The following CNIH3 variants were observed in gnomAD, a reference collection of about 807,000 sequenced individuals.
CNIH3 encodes protein cornichon homolog 3.
In CNIH3, 14 loss-of-function variants were observed where a neutral mutation model predicts 24.1. The ratio of observed to expected loss-of-function variants is 0.58; its 90% CI spans 0.38 to 0.91. The LOEUF (loss-of-function observed/expected upper bound fraction) is 0.91. CNIH3 is among the 40% of genes least tolerant of loss of function. The probability of loss-of-function intolerance (pLI) is 0.00; values close to 1 mark genes in which losing one functional copy is unlikely to be tolerated. For missense variants in CNIH3, 178 were observed against 196.8 expected, an observed-to-expected ratio of 0.90 and a Z score of 0.57; for synonymous variants, 68 against 73.8, an observed-to-expected ratio of 0.92 and a Z score of 0.40.
chr1:224,475,325 C>T (rs1195423150), intron 1 of CNIH3, among the ~76,000 whole-genome samples: 1 of 144,394 alleles, frequency 6.9e-6, no homozygotes, highest in African/African-American at 2.6e-5. Context: ...CACTGCAGTC[C>T]AGCCGGGGCG....
downstream of CNIH3, among the ~76,000 whole-genome samples, chr1:224,539,406 T>C (rs2124945866): frequency 6.6e-6 from 1 of 152,342 alleles, no homozygotes; most frequent in Non-Finnish European, 1.5e-5. Flanking sequence ...TTTTTGACTC[T>C]TATGGATTAT....
In CNIH3 at chr1:224,703,285, G is replaced by T. The variant is rs555870503; in HGVS notation, c.198+18442G>T. 4.4e-4 allele frequency among the ~76,000 whole-genome samples: 67 copies of T among 152,302 alleles called. No homozygotes were observed. The highest frequency in any genetic ancestry group is 7.8e-4 in the Non-Finnish European group (53 of 68,020). ...CAAGGTAGACGTGACCACCGGACCA[G>T]CTGAGCCACGATGGGCAGCTTGAAT... On this transcript the variant is annotated intron_variant, in intron 3 of 5. Transcript: ENST00000272133. The surrounding 1 kb of genome is among the most constrained non-coding windows in gnomAD (Gnocchi z 4.2).
chr1:224,655,771 A>G (rs1284541547), intron 1 of CNIH3, among the ~76,000 whole-genome samples: 6 of 152,226 alleles, frequency 3.9e-5, no homozygotes, highest in Non-Finnish European at 5.9e-5. Context: ...CAGAAAGATG[A>G]GAGATCAGTC....
intron 1 of CNIH3, among the ~76,000 whole-genome samples, chr1:224,483,586 G>A (rs956811419): frequency 2.5e-4 from 38 of 149,512 alleles, no homozygotes; most frequent in Non-Finnish European, 2.2e-4. Flanking sequence ...TAGTAGAGAC[G>A]AGGTCTCACT....
At chr1:224,622,404 A>G (rs181607350) in intron 1 of CNIH3, among the ~76,000 whole-genome samples, 1 of 152,314 alleles carries the variant, frequency 6.6e-6, no homozygotes, top group Admixed American at 6.5e-5. Flanking sequence ...ACCTTCTGGA[A>G]AATGTAATGT....
chr1:224,485,606 C>T (rs1382959520), intron 1 of CNIH3, among the ~76,000 whole-genome samples: 1 of 152,106 alleles, frequency 6.6e-6, no homozygotes. Context: ...AATCCTGTTG[C>T]CTCAGCCTCC....
intron 1 of CNIH3, among the ~76,000 whole-genome samples, chr1:224,496,487 T>C (rs1475492553): frequency 1.3e-5 from 2 of 151,786 alleles, no homozygotes; most frequent in African/African-American, 4.8e-5. Flanking sequence ...CTCCTGATTT[T>C]CTCTTCCAGG....
At chr1:224,686,693 C>T (rs2125152194) in intron 3 of CNIH3, among the ~76,000 whole-genome samples, 1 of 152,338 alleles carries the variant, frequency 6.6e-6, no homozygotes, top group Middle Eastern at 3.4e-3. Flanking sequence ...TCTGGCAGAA[C>T]AATGTTCCAT....
intron 1 of CNIH3, among the ~76,000 whole-genome samples, chr1:224,510,609 C>CA (rs375132413): frequency 0.32 from 33,264 of 104,090 alleles, 4,778 homozygotes; most frequent in Middle Eastern, 0.42. Context: ...AAAAAAAAAA[C>CA]AAAAAAAAAA....
downstream of CNIH3, among the ~76,000 whole-genome samples, chr1:224,592,689 G>T (rs1472865429): frequency 6.6e-6 from 1 of 152,206 alleles, no homozygotes; most frequent in East Asian, 1.9e-4. Flanking sequence ...CTATGCTTTA[G>T]AAGGGCAGAG....
intron 1 of CNIH3, among the ~76,000 whole-genome samples, chr1:224,660,702 G>T (rs1037037537): frequency 6.6e-6 from 1 of 152,230 alleles, no homozygotes; most frequent in African/African-American, 2.4e-5. Context: ...TTTATATTAA[G>T]CCAGAAGTAT....
chr1:224,554,378 C>T (rs946350832), intron 3 of CNIH3, among the ~76,000 whole-genome samples: 3 of 152,152 alleles, frequency 2.0e-5, no homozygotes, highest in African/African-American at 7.2e-5. Flanking sequence ...TGTGCCAGGA[C>T]TGTACAGTGC....
At position 224,695,876 on chromosome 1, in the gene CNIH3, G is replaced by A. The variant is rs148309062; in HGVS notation, c.198+11033G>A. Among the ~76,000 whole-genome samples the A allele has an allele frequency of 6.6e-3, 1,003 of 152,318 alleles. 7 individuals are homozygous for A. Among genetic ancestry groups the A allele is most frequent in the Non-Finnish European group, 8.2e-3 (555 of 68,034 alleles). On this transcript the variant is annotated intron_variant, in intron 3 of 5. Transcript: ENST00000272133. ...AGATTTAGGGACTCTTGGGAGTTTT[G>A]CTATGAGAAGTCACCAAATCATTGA...
chr1:224,488,447 C>A (rs1677111322), intron 1 of CNIH3, among the ~76,000 whole-genome samples: 1 of 76,570 alleles, frequency 1.3e-5, no homozygotes, highest in African/African-American at 5.8e-5. Flanking sequence ...GCTGTTAAGC[C>A]CATTCAGTAA....
At chr1:224,737,051 TAGCTC>T (rs1689627939) in intron 5 of CNIH3, among the ~76,000 whole-genome samples, 1 of 152,148 alleles carries the variant, frequency 6.6e-6, no homozygotes, top group South Asian at 2.1e-4. Flanking sequence ...TTGTTTTCAT[TAGCTC>T]CTGCCCCTTT....
rs139384422 is a variant in CNIH3 at position 224,545,390 on chromosome 1, G to A, written n.340-1439G>A. Reference sequence around the variant, plus strand: ...TCTACAATGAACTGTGAGACTTGGAGTGAGAAATGAGCTTTTAGATGAGTT... The same window carrying A: ...TCTACAATGAACTGTGAGACTTGGAATGAGAAATGAGCTTTTAGATGAGTT... On this transcript the variant is annotated intron_variant and non_coding_transcript_variant, in intron 2 of 5. Coordinates refer to the CNIH3 transcript ENST00000471578. Among the ~76,000 whole-genome samples, 146 of 152,330 alleles carry A rather than the reference G, an allele frequency of 9.6e-4. 1 individual carries two copies. The highest frequency in any genetic ancestry group is 3.4e-3 in the African/African-American group (143 of 41,576).
chr1:224,733,377 A>G (rs1397395459), intron 4 of CNIH3, among the ~76,000 whole-genome samples: 1 of 152,230 alleles, frequency 6.6e-6, no homozygotes, highest in African/African-American at 2.4e-5. Context: ...CTGGGAATAA[A>G]ACCACAGTGA....
chr1:224,474,831 T>C (rs1247368604), intron 1 of CNIH3, among the ~76,000 whole-genome samples: 1 of 150,348 alleles, frequency 6.7e-6, no homozygotes, highest in East Asian at 2.0e-4. Context: ...ATCGAGACCA[T>C]CCTGACTAAC....
intron 2 of CNIH3, among the ~76,000 whole-genome samples, chr1:224,522,650 G>A (rs1386573856): frequency 6.6e-6 from 1 of 152,160 alleles, no homozygotes; most frequent in African/African-American, 2.4e-5. Context: ...CAATGAACAG[G>A]AAAAGTGCTC....
Sources: gnomAD v4.1 joint callset for allele counts (sites outside exome capture counted in the v4.1 genomes callset) on GRCh38, gnomAD v4.1.1 for gene constraint, Gnocchi (gnomAD v3.1) non-coding constraint, MANE v1.5 for transcripts, NCBI Gene and HGNC (gene_info 2026-07-23, HGNC 2026-07-21) for gene names.